PCDH15: variants seen among roughly 807,000 people sequenced by gnomAD.
The protein encoded by PCDH15 is protocadherin-15.
A neutral mutation model predicts 178.5 loss-of-function variants in PCDH15; 129 were observed. That is an observed-to-expected ratio of 0.72 (90% confidence interval 0.63 to 0.84). The LOEUF is 0.84. Among genes scored for constraint, PCDH15 ranks in the 40% least tolerant of loss-of-function variants. PCDH15 has a pLI of 0.00. For synonymous variants in PCDH15, 800 were observed against 732.0 expected (o/e 1.09, Z -1.50); for missense variants, 2,230 against 2,099.9 (o/e 1.06, Z -1.21).
intron 1 of PCDH15, among the ~76,000 whole-genome samples, chr10:54,775,581 C>A (rs1216803159): frequency 6.6e-6 from 1 of 152,156 alleles, no homozygotes; most frequent in Non-Finnish European, 1.5e-5. Flanking sequence ...ATCATTCTAT[C>A]TAGCTGTAAT....
chr10:54,995,868 C>G (rs1193282621), intron 2 of PCDH15, among the ~76,000 whole-genome samples: 2 of 151,966 alleles, frequency 1.3e-5, no homozygotes, highest in African/African-American at 4.8e-5. Flanking sequence ...TTACATCTCC[C>G]TAATTCCTAT....
At chr10:54,166,324 A>G (rs2046225167) in intron 13 of PCDH15, among the ~76,000 whole-genome samples, 1 of 152,208 alleles carries the variant, frequency 6.6e-6, no homozygotes, top group South Asian at 2.1e-4. Context: ...TATTTCTTGC[A>G]AAATATAGTC....
intron 1 of PCDH15, among the ~76,000 whole-genome samples, chr10:55,306,028 T>C (rs1024505326): frequency 2.6e-5 from 4 of 152,240 alleles, no homozygotes; most frequent in African/African-American, 9.6e-5. Flanking sequence ...GATTTTTTAA[T>C]TAACATTGAA....
intron 3 of PCDH15, among the ~76,000 whole-genome samples, chr10:54,861,740 A>G (rs1379634642): frequency 6.6e-6 from 1 of 152,222 alleles, no homozygotes; most frequent in African/African-American, 2.4e-5. Flanking sequence ...CCAAATTTGA[A>G]AAGAGTAAGT....
chr10:54,675,416 A>G (rs944360937), intron 1 of PCDH15, among the ~76,000 whole-genome samples: 2 of 151,072 alleles, frequency 1.3e-5, no homozygotes, highest in Admixed American at 6.6e-5. Flanking sequence ...AGTGAAAGAC[A>G]TAATTTCATT....
intron 1 of PCDH15, among the ~76,000 whole-genome samples, chr10:54,777,234 T>G (rs1225926704): frequency 6.6e-6 from 1 of 152,168 alleles, no homozygotes; most frequent in African/African-American, 2.4e-5. Flanking sequence ...TACAATACTA[T>G]CTATTTCACT....
chr10:54,862,430 T>C (rs181052408), intron 3 of PCDH15, among the ~76,000 whole-genome samples: 92 of 152,300 alleles, frequency 6.0e-4, no homozygotes, highest in African/African-American at 2.4e-5. Flanking sequence ...GGGAAAACAA[T>C]TTTATTTTAG....
chr10:54,326,736 T>C (rs1341686010), intron 7 of PCDH15, among the ~76,000 whole-genome samples: 2 of 152,126 alleles, frequency 1.3e-5, no homozygotes, highest in Non-Finnish European at 2.9e-5. Flanking sequence ...GATATCAATT[T>C]GGTGCCAAAA....
At position 55,158,845 on chromosome 10, in the gene PCDH15, G is replaced by A. The variant is rs114644708; in HGVS notation, c.-80+7731C>T. Among the ~76,000 whole-genome samples the A allele has an allele frequency of 3.9e-3, 591 of 150,582 alleles. 6 individuals carry two copies. The highest frequency in any genetic ancestry group is 0.013 in the African/African-American group (555 of 41,210). ...GGAGCTTTATGTGGAAATGTGTGTG[G>A]GGTGTGTGTGTCAGAAAGAAAGGGA... is the stretch of plus-strand genomic sequence containing the variant. On this transcript the variant is annotated intron_variant, in intron 2 of 5. Transcript: ENST00000458638.
chr10:55,449,641 A>T (rs1242615989), intron 2 of PCDH15, among the ~76,000 whole-genome samples: 1 of 152,196 alleles, frequency 6.6e-6, no homozygotes, highest in Non-Finnish European at 1.5e-5. Context: ...ATATGATAGG[A>T]ATAATAAAAT....
rs573816476 is a variant in PCDH15, at chr10:54,240,720, CT to C, written c.877-3790del. ...GATCCCGGCTCACTGCAAGCTCCGC[CT>C]CCCGGGTTCACGCCATTCTCCTGCC... On this transcript the variant is annotated intron_variant, in intron 8 of 37. Coordinates refer to ENST00000644397, the MANE Select transcript of PCDH15 (RefSeq NM_001384140.1). Among the ~76,000 whole-genome samples the C allele has an allele frequency of 8.0e-3, 1,204 of 150,592 alleles. 9 individuals are homozygous for C. Among genetic ancestry groups the C allele is most frequent in the African/African-American group, 0.026 (1,047 of 40,974 alleles).
intron 2 of PCDH15, among the ~76,000 whole-genome samples, chr10:55,481,785 T>G (rs905855524): frequency 6.6e-6 from 1 of 151,736 alleles, no homozygotes; most frequent in Non-Finnish European, 1.5e-5. Context: ...AAGTTCCATA[T>G]GCCAATGAGA....
intron 3 of PCDH15, among the ~76,000 whole-genome samples, chr10:54,882,645 A>G (rs1313452756): frequency 1.3e-5 from 2 of 152,098 alleles, no homozygotes; most frequent in Non-Finnish European, 2.9e-5. Context: ...TGTTTTACTT[A>G]AAATGAATAA....
chr10:54,978,133 C>G (rs1478903299), intron 2 of PCDH15, among the ~76,000 whole-genome samples: 1 of 151,982 alleles, frequency 6.6e-6, no homozygotes, highest in Non-Finnish European at 1.5e-5. Context: ...AACCTAAATG[C>G]ATGAAATAAT....
chr10:54,434,698 G>A (rs1342665753), intron 3 of PCDH15, among the ~76,000 whole-genome samples: 2 of 152,164 alleles, frequency 1.3e-5, no homozygotes, highest in African/African-American at 4.8e-5. Flanking sequence ...AGGCATGACT[G>A]TATATCAGAC....
chr10:55,023,392 A>G (rs1301577031), intron 2 of PCDH15, among the ~76,000 whole-genome samples: 2 of 152,248 alleles, frequency 1.3e-5, no homozygotes, highest in African/African-American at 4.8e-5. Flanking sequence ...TTGTCGGTAG[A>G]AAAACATTTT....
At chr10:54,225,577 A>G (rs2053343548) in intron 9 of PCDH15, among the ~76,000 whole-genome samples, 1 of 152,172 alleles carries the variant, frequency 6.6e-6, no homozygotes, top group Admixed American at 6.5e-5. Context: ...ATTCCCTTAT[A>G]ATCACTGAAG....
chr10:55,621,689 A>G (rs1837393773), intron 2 of PCDH15, among the ~76,000 whole-genome samples: 1 of 151,888 alleles, frequency 6.6e-6, no homozygotes, highest in African/African-American at 2.4e-5. Context: ...CATCCCCACA[A>G]TCCACTCACC....
intron 8 of PCDH15, among the ~76,000 whole-genome samples, chr10:54,241,301 G>A (rs564438041): frequency 5.9e-4 from 90 of 152,266 alleles, no homozygotes; most frequent in Non-Finnish European, 1.1e-3. Context: ...CTATATTACA[G>A]AGGAAGTACG....
Sources: allele counts gnomAD v4.1 joint callset (sites outside exome capture counted in the v4.1 genomes callset), GRCh38; gene constraint gnomAD v4.1.1; transcripts MANE v1.5; gene names NCBI Gene and HGNC (gene_info 2026-07-23, HGNC 2026-07-21).